Variants in ZNF18 observed in about 807,000 individuals in gnomAD.
The protein encoded by ZNF18 is zinc finger protein 18.
Under a neutral mutation model 58.1 loss-of-function variants are expected in ZNF18, and 42 were observed. The observed-to-expected ratio is 0.72, with a 90% CI of 0.56 to 0.93. The LOEUF (loss-of-function observed/expected upper bound fraction) is 0.93. ZNF18 is among the 40% of genes least tolerant of loss of function. The pLI is 0.00. For missense variants in ZNF18, 540 were observed against 644.2 expected, an observed-to-expected ratio of 0.84 and a Z score of 1.75; for synonymous variants, 231 against 239.8, an observed-to-expected ratio of 0.96 and a Z score of 0.34.
chr17:12,016,635 T>G, the ZNF18 span, among the ~76,000 whole-genome samples: 1 of 152,084 alleles, frequency 6.6e-6, no homozygotes, highest in Admixed American at 6.6e-5. Flanking sequence ...CAGTCCTTTT[T>G]TTTTTTGTTC....
At chr17:12,005,711 T>C in the ZNF18 span, among the ~76,000 whole-genome samples, 6 of 152,204 alleles carry the variant, frequency 3.9e-5, no homozygotes, top group Non-Finnish European at 7.3e-5. Flanking sequence ...TGAGGTGTAT[T>C]ATATTTCTGG....
the ZNF18 span, chr17:12,021,004 A>G: frequency 8.3e-7 from 1 of 1,207,348 alleles, no homozygotes; most frequent in Non-Finnish European, 1.0e-6. Context: ...CATGCAGGGT[A>G]AGGAACGCGG....
At chr17:11,997,069 T>A (rs914229118) in intron 1 of ZNF18, 5 of 152,476 alleles carry the variant, frequency 3.3e-5, no homozygotes, top group Admixed American at 3.3e-4. Flanking sequence ...ACTCCAGGCA[T>A]CATCCCATCG....
rs1967097232 is a variant in ZNF18, at chr17:11,978,036, T to C, written c.1571A>G (p.His524Arg). The C allele has an allele frequency of 1.9e-6, 3 of 1,612,714 alleles. No individual in the cohort carries two copies. In the African/African-American group the frequency reaches 4.0e-5, roughly 22 times the overall value. ...HTGEKPYKCS[H>R]CGKSFSWSSS... Reference sequence around the variant, plus strand: ...GCTCCAGCTGAAACTTTTCCCACAGTGCGAACATTTATAAGGTTTCTCTCC... The same window carrying C: ...GCTCCAGCTGAAACTTTTCCCACAGCGCGAACATTTATAAGGTTTCTCTCC... The change falls in exon 7 of 7, where the codon CAC becomes CGC. Residue 524 changes from histidine to arginine, a missense_variant. His to Arg is a conservative substitution (Grantham distance 29, BLOSUM62 0). Transcript: ENST00000580306.
chr17:12,007,528 C>T, the ZNF18 span, among the ~76,000 whole-genome samples: 2 of 152,204 alleles, frequency 1.3e-5, no homozygotes, highest in African/African-American at 4.8e-5. Flanking sequence ...AGGTGCCTGA[C>T]TCCTTGCTGG....
chr17:11,992,862 G>A lies in ZNF18; in HGVS notation c.-33C>T, dbSNP rs1968220736. ...CCTGGCAAGTCCTTTTAAGTAAAGT[G>A]CTTCTGCAGTGGAATTGTCTCCGGC... On this transcript the variant is annotated 5_prime_UTR_variant, in exon 2 of 7. Transcript: ENST00000580306. 1 of 1,587,332 alleles carries A rather than the reference G, an allele frequency of 6.3e-7. No individual in the cohort carries two copies. The highest frequency in any genetic ancestry group is 8.6e-7 in the Non-Finnish European group (1 of 1,169,558).
In ZNF18 at chr17:11,988,100, T is replaced by C. The variant is rs9897361; in HGVS notation, c.666+2362A>G. ...TTTTACAAAATACAACTTTTCAAAA[T>C]TGTTAACTAAATATCAACATAAATC... On this transcript the variant is annotated intron_variant, in intron 4 of 6. Transcript: ENST00000580306. Among the ~76,000 whole-genome samples the C allele has an allele frequency of 3.2e-3, 485 of 152,316 alleles. 2 individuals carry two copies. Among genetic ancestry groups the C allele is most frequent in the African/African-American group, 7.5e-3 (312 of 41,570 alleles).
chr17:12,006,205 T>G, the ZNF18 span, among the ~76,000 whole-genome samples: 1 of 152,310 alleles, frequency 6.6e-6, no homozygotes, highest in African/African-American at 2.4e-5. Context: ...TTGCCAAAAC[T>G]TATGTGGGCA....
intron 4 of ZNF18, among the ~76,000 whole-genome samples, chr17:11,986,789 C>G (rs113148364): frequency 2.2e-4 from 34 of 152,296 alleles, no homozygotes; most frequent in African/African-American, 7.7e-4. Context: ...GCCTGGCTGC[C>G]TGGCTTGCTG....
intron 4 of ZNF18, among the ~76,000 whole-genome samples, chr17:11,989,404 T>C (rs1005692709): frequency 6.6e-6 from 1 of 152,130 alleles, no homozygotes; most frequent in Non-Finnish European, 1.5e-5. Context: ...TAATCATTGA[T>C]CAAAACTGAC....
the ZNF18 span, among the ~76,000 whole-genome samples, chr17:12,003,452 A>AAAAC: frequency 6.6e-6 from 1 of 152,082 alleles, no homozygotes; most frequent in Admixed American, 6.6e-5. Flanking sequence ...AAAAAAAAAA[A>AAAAC]AAAAAGATGT....
At chr17:11,986,072 G>C (rs2151477277) in intron 4 of ZNF18, among the ~76,000 whole-genome samples, 2 of 152,346 alleles carry the variant, frequency 1.3e-5, no homozygotes, top group East Asian at 3.9e-4. Flanking sequence ...ACTGAACCAA[G>C]TGGGCAGTTC....
At chr17:11,983,690 C>T (rs751986447) in intron 5 of ZNF18, among the ~76,000 whole-genome samples, 5 of 151,982 alleles carry the variant, frequency 3.3e-5, no homozygotes, top group African/African-American at 1.2e-4. Flanking sequence ...GGGGATCCCA[C>T]CAATGGTTGG....
intron 6 of ZNF18, among the ~76,000 whole-genome samples, chr17:11,980,583 G>C (rs955592154): frequency 1.3e-5 from 2 of 151,876 alleles, no homozygotes; most frequent in Non-Finnish European, 2.9e-5. Flanking sequence ...ACTATGCCCA[G>C]CTAATTTTTG....
At chr17:11,992,141 G>A (rs963380020) in intron 2 of ZNF18, among the ~76,000 whole-genome samples, 4 of 152,202 alleles carry the variant, frequency 2.6e-5, no homozygotes, top group Non-Finnish European at 5.9e-5. Context: ...AACTTGAAGA[G>A]AAGACTGTGG....
chr17:12,011,249 G>A, the ZNF18 span: 26 of 428,352 alleles, frequency 6.1e-5, no homozygotes, highest in Middle Eastern at 6.3e-4. Context: ...GGAAGATGGC[G>A]GTTCCCCTGA....
At chr17:12,006,943 A>G in the ZNF18 span, among the ~76,000 whole-genome samples, 3 of 152,200 alleles carry the variant, frequency 2.0e-5, no homozygotes, top group Non-Finnish European at 4.4e-5. Context: ...AAAAATTAAA[A>G]CCCAAAGGAA....
chr17:11,979,742 CTTG>C (rs1225055321), intron 6 of ZNF18, among the ~76,000 whole-genome samples: 5 of 151,958 alleles, frequency 3.3e-5, no homozygotes, highest in Non-Finnish European at 5.9e-5. Flanking sequence ...TAGATCTGAA[CTTG>C]TTAAGTCAAA....
At chr17:11,988,938 C>T (rs1361618763) in intron 4 of ZNF18, among the ~76,000 whole-genome samples, 2 of 151,980 alleles carry the variant, frequency 1.3e-5, no homozygotes, top group Admixed American at 6.6e-5. Context: ...CTGGGTGGAT[C>T]ACTTGAGGTC....
Sources: gnomAD v4.1 joint callset for allele counts (sites outside exome capture counted in the v4.1 genomes callset) on GRCh38, gnomAD v4.1.1 for gene constraint, MANE v1.5 for transcripts, NCBI Gene and HGNC (gene_info 2026-07-23, HGNC 2026-07-21) for gene names.